RPS6KC1: variants seen among roughly 807,000 people sequenced by gnomAD.
RPS6KC1 encodes the protein ribosomal protein S6 kinase C1, also known as inactive ribosomal protein S6 kinase delta-1.
RPS6KC1 carries 54 observed loss-of-function variants against 103.8 expected under a neutral mutation model. The observed-to-expected ratio is 0.52, with a 90% CI of 0.42 to 0.65. RPS6KC1 has a LOEUF of 0.65. RPS6KC1 is among the 30% of genes least tolerant of loss of function. The pLI is 0.00. For missense variants in RPS6KC1, 1,151 were observed against 1,253.8 expected, an observed-to-expected ratio of 0.92 and a Z score of 1.24; for synonymous variants, 439 against 438.7, an observed-to-expected ratio of 1.00 and a Z score of -0.01.
At chr1:213,442,503 T>G in the RPS6KC1 span, among the ~76,000 whole-genome samples, 3 of 152,230 alleles carry the variant, frequency 2.0e-5, no homozygotes, top group South Asian at 6.2e-4. Context: ...CTGCCACTTC[T>G]GATCTGTTAC....
the RPS6KC1 span, among the ~76,000 whole-genome samples, chr1:213,772,806 G>A: frequency 6.6e-6 from 1 of 152,168 alleles, no homozygotes; most frequent in South Asian, 2.1e-4. Context: ...TAGCACAGTG[G>A]GCTTTGGTTC....
At chr1:213,550,888 T>C in the RPS6KC1 span, among the ~76,000 whole-genome samples, 2 of 152,118 alleles carry the variant, frequency 1.3e-5, no homozygotes, top group Non-Finnish European at 2.9e-5. Context: ...TAAGAATTAT[T>C]ATGGCTTTCC....
the RPS6KC1 span, among the ~76,000 whole-genome samples, chr1:213,564,840 G>A: frequency 3.9e-5 from 6 of 152,146 alleles, no homozygotes; most frequent in Admixed American, 2.6e-4. Context: ...ACAATTCACC[G>A]TAATAATTTT....
At chr1:213,264,849 C>G (rs1224093896) in intron 14 of RPS6KC1, among the ~76,000 whole-genome samples, 1 of 152,118 alleles carries the variant, frequency 6.6e-6, no homozygotes, top group African/African-American at 2.4e-5. Context: ...TCTTTTAGCT[C>G]CTTGCTTTGT....
the RPS6KC1 span, among the ~76,000 whole-genome samples, chr1:213,639,274 T>C: frequency 6.6e-6 from 1 of 152,112 alleles, no homozygotes; most frequent in South Asian, 2.1e-4. Context: ...GGTGATCATG[T>C]CATCTGTGCA....
the RPS6KC1 span, among the ~76,000 whole-genome samples, chr1:213,720,498 G>C: frequency 6.6e-6 from 1 of 152,182 alleles, no homozygotes; most frequent in African/African-American, 2.4e-5. Context: ...CCAGCACAGC[G>C]ATAAAAATCA....
chr1:213,171,622 T>C (rs1401232639), intron 7 of RPS6KC1, among the ~76,000 whole-genome samples: 2 of 152,232 alleles, frequency 1.3e-5, no homozygotes, highest in Admixed American at 6.5e-5. Flanking sequence ...CTTTCCTGAA[T>C]ATTTGTAGAT....
intron 6 of RPS6KC1, among the ~76,000 whole-genome samples, chr1:213,143,644 C>G (rs1163496023): frequency 2.0e-5 from 3 of 151,748 alleles, no homozygotes; most frequent in Non-Finnish European, 1.5e-5. Context: ...ATTATCAGTT[C>G]AAAATATTTT....
chr1:213,343,243 C>T, the RPS6KC1 span, among the ~76,000 whole-genome samples: 3 of 149,892 alleles, frequency 2.0e-5, no homozygotes, highest in Non-Finnish European at 4.5e-5. Flanking sequence ...ATATAAGACA[C>T]AATGAAAAGT....
the RPS6KC1 span, among the ~76,000 whole-genome samples, chr1:213,310,034 G>A: frequency 6.6e-6 from 1 of 152,064 alleles, no homozygotes; most frequent in African/African-American, 2.4e-5. Context: ...AAATCCTGGT[G>A]GCCCCTCTTT....
chr1:213,150,570 C>A (rs1175191197), intron 6 of RPS6KC1, among the ~76,000 whole-genome samples: 11 of 150,848 alleles, frequency 7.3e-5, no homozygotes, highest in African/African-American at 2.2e-4. Context: ...CTTGCACCGC[C>A]CTTAATCCAT....
the RPS6KC1 span, among the ~76,000 whole-genome samples, chr1:213,395,790 G>A: frequency 3.4e-4 from 52 of 152,328 alleles, no homozygotes; most frequent in East Asian, 8.3e-3. Flanking sequence ...CAGGGAGCTC[G>A]CAGACCAGGT....
chr1:213,651,170 T>C, the RPS6KC1 span, among the ~76,000 whole-genome samples: 2 of 152,042 alleles, frequency 1.3e-5, no homozygotes, highest in Admixed American at 1.3e-4. Flanking sequence ...TACCTCTTAT[T>C]GCAAGGCTGG....
rs748753687 is a variant in RPS6KC1 at position 213,051,517 on chromosome 1, C to G, written c.105+8C>G. 9 of 1,592,914 alleles carry G rather than the reference C, an allele frequency of 5.7e-6. No individual in the cohort carries two copies. The highest frequency in any genetic ancestry group is 7.7e-6 in the Non-Finnish European group (9 of 1,164,012). ...TATAAGGTCACCGCCCGGGTGAGTG[C>G]CGGTGTCGGGCTGGGGTAGAGCTTG... On this transcript the variant is annotated splice_region_variant and intron_variant, in intron 1 of 14. Transcript: ENST00000366960.
At chr1:213,693,665 G>T in the RPS6KC1 span, among the ~76,000 whole-genome samples, 4 of 152,214 alleles carry the variant, frequency 2.6e-5, no homozygotes, top group Non-Finnish European at 5.9e-5. Context: ...CTGCTTTTTG[G>T]AGAATCGCTG....
the RPS6KC1 span, among the ~76,000 whole-genome samples, chr1:213,698,445 C>T: frequency 6.6e-6 from 1 of 152,086 alleles, no homozygotes; most frequent in Non-Finnish European, 1.5e-5. Flanking sequence ...TGTTATATAA[C>T]TATTGTTTCA....
chr1:213,561,396 C>T, the RPS6KC1 span, among the ~76,000 whole-genome samples: 2 of 152,162 alleles, frequency 1.3e-5, no homozygotes, highest in Admixed American at 6.5e-5. Flanking sequence ...ATATTACCTG[C>T]TTTGAGAATG....
At chr1:213,230,810 G>A (rs1341113356) in intron 9 of RPS6KC1, among the ~76,000 whole-genome samples, 6 of 146,930 alleles carry the variant, frequency 4.1e-5, no homozygotes, top group African/African-American at 1.5e-4. Context: ...ACTCCAGCCT[G>A]GGCAACAAGA....
the RPS6KC1 span, among the ~76,000 whole-genome samples, chr1:213,728,954 T>TTG: frequency 3.5e-5 from 5 of 141,138 alleles, no homozygotes; most frequent in Non-Finnish European, 7.6e-5. Context: ...TTTTGTTTTT[T>TTG]TTTTTTTTTT....
Sources: allele counts gnomAD v4.1 joint callset (sites outside exome capture counted in the v4.1 genomes callset), GRCh38; gene constraint gnomAD v4.1.1; transcripts MANE v1.5; gene names NCBI Gene and HGNC (gene_info 2026-07-23, HGNC 2026-07-21).